The following NIN variants were observed in gnomAD, a reference collection of about 807,000 sequenced individuals.
The protein encoded by NIN is ninein, also known as glycogen synthase kinase 3 beta-interacting protein.
A neutral mutation model predicts 257.6 loss-of-function variants in NIN; 137 were observed. That is an observed-to-expected ratio of 0.53 (90% CI 0.46 to 0.61). The LOEUF is 0.61. Among genes scored for constraint, NIN ranks in the 20% least tolerant of loss-of-function variants. NIN has a pLI of 0.00. For synonymous variants in NIN, 918 were observed against 919.8 expected, an observed-to-expected ratio of 1.00 and a Z score of 0.04; for missense variants, 2,439 against 2,501.2, an observed-to-expected ratio of 0.98 and a Z score of 0.53.
intron 5 of NIN, among the ~76,000 whole-genome samples, chr14:50,784,003 CATGAG>C (rs2043241061): frequency 6.6e-6 from 1 of 152,194 alleles, no homozygotes; most frequent in African/African-American, 2.4e-5. Flanking sequence ...AGACTGAATT[CATGAG>C]ATAAGATTTA....
intron 19 of NIN, 31 bp downstream of exon 19, chr14:50,754,711 T>C (rs769185380): frequency 6.3e-7 from 1 of 1,579,056 alleles, no homozygotes; most frequent in Non-Finnish European, 8.6e-7. Flanking sequence ...TTTGCAAAAA[T>C]GTCTTAGGAA....
intron 4 of NIN, among the ~76,000 whole-genome samples, chr14:50,794,045 T>C (rs1457549957): frequency 1.3e-5 from 2 of 152,332 alleles, no homozygotes; most frequent in Non-Finnish European, 2.9e-5. Context: ...GTACACGTAT[T>C]ATAAAAACGA....
At chr14:50,829,753 T>C (rs369370170) in intron 2 of NIN, among the ~76,000 whole-genome samples, 2 of 152,186 alleles carry the variant, frequency 1.3e-5, no homozygotes, top group African/African-American at 4.8e-5. Flanking sequence ...TCACCTCGGG[T>C]TGTCAGGGCT....
intron 28 of NIN, among the ~76,000 whole-genome samples, chr14:50,731,842 AAG>A (rs2040721251): frequency 6.6e-6 from 1 of 152,104 alleles, no homozygotes; most frequent in Admixed American, 6.5e-5. Context: ...ATAAATAAAA[AAG>A]ATTATTCCAG....
chr14:50,732,771 A>C (rs2040782647), intron 28 of NIN, among the ~76,000 whole-genome samples: 1 of 151,994 alleles, frequency 6.6e-6, no homozygotes, highest in South Asian at 2.1e-4. Flanking sequence ...TCTGTCACCC[A>C]GGCTGGAGTG....
At chr14:50,769,843 C>T (rs1407680445) in intron 12 of NIN, among the ~76,000 whole-genome samples, 3 of 151,284 alleles carry the variant, frequency 2.0e-5, no homozygotes, top group Non-Finnish European at 4.4e-5. Context: ...CTTGGCAGGC[C>T]GAGGCTGGAG....
intron 30 of NIN, 124 bp downstream of exon 30, chr14:50,725,829 T>A: frequency 6.4e-7 from 1 of 1,551,596 alleles, no homozygotes; most frequent in Non-Finnish European, 8.8e-7. Flanking sequence ...TTACAGACAT[T>A]TATAATAGAA....
rs72681685 is a variant in NIN at position 50,732,734 on chromosome 14, G to T, written c.5877+2782C>A. On this transcript the variant is annotated intron_variant, in intron 28 of 30. Coordinates refer to ENST00000530997, the MANE Select transcript of NIN (RefSeq NM_020921.4). Reference sequence around the variant, plus strand: ...GTTTTTGTTTGTTTTTTTGTTTTTTGGGTTTTTTTTTGAGACGGAGTCTTG... The same window carrying T: ...GTTTTTGTTTGTTTTTTTGTTTTTTTGGTTTTTTTTTGAGACGGAGTCTTG... Among the ~76,000 whole-genome samples, 6 of 138,958 alleles carry T rather than the reference G, an allele frequency of 4.3e-5. No homozygotes were observed. In the East Asian group the frequency reaches 8.1e-4, roughly 19 times the overall value. 91.2% of individuals were successfully genotyped at this position (138,958 alleles called of 152,430 possible). A position where few individuals can be genotyped will look rare whatever the true frequency, so the allele number is the denominator to read the frequency against.
intron 16 of NIN, among the ~76,000 whole-genome samples, chr14:50,761,524 G>A: frequency 6.6e-6 from 1 of 152,250 alleles, no homozygotes; most frequent in South Asian, 2.1e-4. Context: ...GTTTCACTGA[G>A]ATGTTTTTAA....
intron 22 of NIN, among the ~76,000 whole-genome samples, chr14:50,746,042 A>C (rs2041521310): frequency 6.6e-6 from 1 of 151,938 alleles, no homozygotes; most frequent in Admixed American, 6.6e-5. Flanking sequence ...TTTAAAAAAA[A>C]AAAAAAAAAA....
rs1158561425 is a variant in NIN at position 50,758,424 on chromosome 14, C to G, written c.2606G>C (p.Cys869Ser). The G allele has an allele frequency of 1.2e-6, 2 of 1,614,018 alleles. No individual in the cohort carries two copies. The highest frequency in any genetic ancestry group is 8.5e-7 in the Non-Finnish European group (1 of 1,179,872). ...TTTCAGCAGCTCCTGGGCTTCCGCA[C>G]ACTCCTGGGTGAGCTCGTCCTTCTC... ...EFEKDELTQE[C>S]AEAQELLKET... Residue 869 changes from cysteine (C) to serine (S), a missense_variant, in exon 18 of 31, where the codon TGT becomes TCT. Physicochemically the swap from Cys to Ser is moderately radical, Grantham distance 112. Coordinates refer to ENST00000530997, the MANE Select transcript of NIN (RefSeq NM_020921.4).
chr14:50,733,512 G>A (rs899190067), intron 28 of NIN, among the ~76,000 whole-genome samples: 1 of 152,176 alleles, frequency 6.6e-6, no homozygotes, highest in Non-Finnish European at 1.5e-5. Flanking sequence ...CCAGTGTCAA[G>A]AACACTCAAT....
At position 50,770,591 on chromosome 14, in the gene NIN, C is replaced by T. The variant is rs199861236; in HGVS notation, c.1260-29G>A. The T allele has an allele frequency of 4.3e-5, 69 of 1,609,622 alleles. No homozygotes were observed. The African/African-American group carries it at 8.4e-4, about 20-fold the overall frequency. ...TAACGAAGAAAAATGGACAAGCTGC[C>T]ATCACGTCTTTCAGAGGTCCCAGTA... is the stretch of plus-strand genomic sequence containing the variant. On this transcript the variant is annotated intron_variant, in intron 11 of 30. Transcript: ENST00000530997.
intron 4 of NIN, among the ~76,000 whole-genome samples, chr14:50,794,761 T>TAAA (rs900112232): frequency 3.2e-5 from 4 of 125,060 alleles, no homozygotes; most frequent in African/African-American, 1.1e-4. Context: ...ATTCAGAGGT[T>TAAA]AAAAAAAAAA....
intron 4 of NIN, among the ~76,000 whole-genome samples, chr14:50,797,189 T>C (rs925138164): frequency 6.6e-6 from 1 of 152,240 alleles, no homozygotes; most frequent in African/African-American, 2.4e-5. Flanking sequence ...CATTACGTTG[T>C]ACCTATTGAG....
chr14:50,808,379 C>T (rs950014315), intron 3 of NIN, among the ~76,000 whole-genome samples: 3 of 152,176 alleles, frequency 2.0e-5, no homozygotes, highest in African/African-American at 4.8e-5. Flanking sequence ...GGCCACTTGA[C>T]GGGCATCTGT....
chr14:50,758,490 A>G lies in NIN; in HGVS notation c.2540T>C (p.Leu847Pro). 1 of 1,614,170 alleles carries G rather than the reference A, an allele frequency of 6.2e-7. No individual in the cohort carries two copies. The highest frequency in any genetic ancestry group is 8.5e-7 in the Non-Finnish European group (1 of 1,180,030). Residue 847 changes from leucine (L) to proline (P), a missense_variant, in exon 18 of 31, where the codon CTC becomes CCC. Transcript: ENST00000530997. Reference protein sequence around the residue: ...EGRYRQELKDLQEQQREEKSQ... With the variant: ...EGRYRQELKDPQEQQREEKSQ... ...TTTCTCCTCACGCTGCTGTTCCTGGAGGTCCTTCAGCTCTTGGCGGTAGCG... is the reference window on the plus strand; with the variant it reads ...TTTCTCCTCACGCTGCTGTTCCTGGGGGTCCTTCAGCTCTTGGCGGTAGCG...
chr14:50,806,706 G>T (rs2044343647), intron 4 of NIN, 31 bp downstream of exon 4: 6 of 1,254,896 alleles, frequency 4.8e-6, no homozygotes, highest in Admixed American at 1.9e-5. Flanking sequence ...TTTTAAAGGG[G>T]AAGGCAGAGA....
chr14:50,823,361 C>T (rs1429436832), intron 2 of NIN: 4 of 522,852 alleles, frequency 7.7e-6, no homozygotes, highest in Non-Finnish European at 1.5e-5. Context: ...GCAGCTTTCA[C>T]TAACCAAGCA....
Sources: gnomAD v4.1 joint callset for allele counts (sites outside exome capture counted in the v4.1 genomes callset) on GRCh38, gnomAD v4.1.1 for gene constraint, MANE v1.5 for transcripts, NCBI Gene and HGNC (gene_info 2026-07-23, HGNC 2026-07-21) for gene names.